The following ABCC5 variants were observed in gnomAD, a reference collection of about 807,000 sequenced individuals.
ABCC5 encodes the protein ATP-binding cassette sub-family C member 5.
Under a neutral mutation model 160.9 loss-of-function variants are expected in ABCC5, and 61 were observed. That is an observed-to-expected ratio of 0.38 (90% CI 0.31 to 0.47). ABCC5 has a LOEUF of 0.47. Among genes scored for constraint, ABCC5 ranks in the 20% least tolerant of loss-of-function variants. The pLI is 0.99. For missense variants in ABCC5, 1,308 were observed against 1,813.3 expected (o/e 0.72, Z 5.06); for synonymous variants, 666 against 700.6 (o/e 0.95, Z 0.78).
intron 2 of ABCC5, among the ~76,000 whole-genome samples, chr3:183,995,216 A>G (rs1720168573): frequency 6.6e-6 from 1 of 152,014 alleles, no homozygotes; most frequent in Non-Finnish European, 1.5e-5. Flanking sequence ...TGATTTGCAA[A>G]TATTTTCTCC....
intron 12 of ABCC5, 58 bp from the exon 13 acceptor site, chr3:183,965,559 A>G: frequency 1.3e-6 from 2 of 1,598,886 alleles, no homozygotes; most frequent in Admixed American, 3.4e-5. Context: ...CCCTATGCCA[A>G]CGGAACCCCC....
At chr3:183,999,102 GAA>G (rs10576500) in intron 2 of ABCC5, among the ~76,000 whole-genome samples, 80,677 of 144,368 alleles carry the variant, frequency 0.56, 22,760 homozygotes, top group East Asian at 0.77. Context: ...AAAAAAAAAA[GAA>G]AAAAAAAAAG....
intron 2 of ABCC5, among the ~76,000 whole-genome samples, chr3:184,008,806 C>A (rs1004343383): frequency 7.2e-5 from 11 of 152,212 alleles, no homozygotes; most frequent in Non-Finnish European, 1.3e-4. Context: ...AGAACTTATT[C>A]TTTGGTGCTT....
chr3:183,945,809 A>C, intron 24 of ABCC5, 41 bp downstream of exon 24: 1 of 1,537,810 alleles, frequency 6.5e-7, no homozygotes. Context: ...ACCGACTCCA[A>C]GAGGAGTCAG....
rs1718788601 is a variant in ABCC5, at chr3:183,982,001, T to C, written c.1000-127A>G. On this transcript the variant is annotated intron_variant, in intron 7 of 29. Transcript: ENST00000334444. The surrounding 1 kb of genome is among the most constrained non-coding windows in gnomAD (Gnocchi z 5.2). The stretch of plus-strand genomic sequence containing the variant: ...GCTTGCTAGGATGGGCCAAATGTTA[T>C]GTAATCGTACTGTCTTTAATAAAAG... The C allele has an allele frequency of 2.3e-5, 22 of 964,872 alleles. No individual in the cohort carries two copies. The South Asian group carries it at 3.1e-4, about 14-fold the overall frequency. The allele number at this position is 964,872 out of a possible 1,614,324, so 59.8% of individuals were successfully genotyped here.
chr3:183,934,213 C>T (rs1365011820), intron 26 of ABCC5, among the ~76,000 whole-genome samples: 2 of 152,040 alleles, frequency 1.3e-5, no homozygotes, highest in Non-Finnish European at 2.9e-5. Context: ...GGCTGAGGCA[C>T]GCAAATCACT....
intron 18 of ABCC5, 40 bp from the exon 19 acceptor site, chr3:183,952,043 G>C: frequency 1.3e-6 from 2 of 1,585,252 alleles, no homozygotes; most frequent in Non-Finnish European, 1.7e-6. Context: ...GACTCCTAAC[G>C]ACTGCCAAGA....
intron 23 of ABCC5, among the ~76,000 whole-genome samples, chr3:183,946,265 GGA>G: frequency 6.6e-6 from 1 of 152,186 alleles, no homozygotes; most frequent in East Asian, 1.9e-4. Flanking sequence ...CCTGTTTGTG[GGA>G]GTCACAACAA....
chr3:183,955,036 G>A (rs1361589984), intron 17 of ABCC5, among the ~76,000 whole-genome samples: 1 of 152,104 alleles, frequency 6.6e-6, no homozygotes, highest in African/African-American at 2.4e-5. Context: ...TGGTGGGGGA[G>A]TGGTGGGGGA....
At position 183,971,593 on chromosome 3, in the gene ABCC5, T is replaced by C. The variant is rs752670700; in HGVS notation, c.1731A>G (p.Thr577=). 1 of 1,614,106 alleles carries C rather than the reference T, an allele frequency of 6.2e-7. No homozygotes were observed. ...GGATCTCCAGATCGATGCTGTGCAG[T>C]GTCCTCTGTAAGCGCAGGTGGCCCA... The part of the protein sequence containing the change: ...IHLGHLRLQR[T]LHSIDLEIQE... The change falls in exon 11 of 30, where the codon ACA becomes ACG. Residue 577 remains threonine (T), a synonymous_variant. Coordinates refer to ENST00000334444, the MANE Select transcript of ABCC5 (RefSeq NM_005688.4).
intron 16 of ABCC5, among the ~76,000 whole-genome samples, chr3:183,961,018 G>A (rs1716682177): frequency 6.6e-6 from 1 of 151,976 alleles, no homozygotes; most frequent in South Asian, 2.1e-4. Flanking sequence ...CGAATTCCTG[G>A]GCGCAAGCAA....
intron 2 of ABCC5, among the ~76,000 whole-genome samples, chr3:183,991,282 G>C (rs1719739745): frequency 6.7e-6 from 1 of 150,102 alleles, no homozygotes; most frequent in Non-Finnish European, 1.5e-5. Context: ...GGGTGACAGA[G>C]CAAGACTCTG....
chr3:183,942,610 G>T, intron 25 of ABCC5, 117 bp downstream of exon 25: 1 of 1,325,950 alleles, frequency 7.5e-7, no homozygotes, highest in African/African-American at 1.5e-5. Context: ...TTTCAGTAGG[G>T]GGCTGAGACA....
chr3:183,998,981 T>G (rs911191204), intron 2 of ABCC5, among the ~76,000 whole-genome samples: 1 of 151,468 alleles, frequency 6.6e-6, no homozygotes, highest in Non-Finnish European at 1.5e-5. Flanking sequence ...TCCCAGCTAC[T>G]CGGGAGGGTG....
intron 11 of ABCC5, 103 bp downstream of exon 11, chr3:183,971,460 A>G: frequency 1.8e-6 from 2 of 1,102,234 alleles, no homozygotes; most frequent in South Asian, 1.4e-5. Context: ...AATCACTCCT[A>G]GCCACAAAGC....
In ABCC5 at chr3:183,942,794, G is replaced by C; in HGVS notation, c.3627C>G (p.Val1209=). 1.2e-6 allele frequency: 2 copies of C among 1,614,106 alleles called. No homozygotes were observed. Among genetic ancestry groups the C allele is most frequent in the Middle Eastern group, 1.6e-4 (1 of 6,062 alleles). The part of the protein sequence containing the change: ...EMRYRENLPL[V]LKKVSFTIKP... ...TGATCGTGAAGGATACTTTCTTTAG[G>C]ACGAGAGGGAGGTTTTCTCGGTACC... The change falls in exon 25 of 30, where the codon GTC becomes GTG. Residue 1209 remains valine (V), a synonymous_variant. Transcript: ENST00000334444.
rs1437099389 is a variant in ABCC5 at position 184,014,350 on chromosome 3, G to A, written c.43C>T (p.Pro15Ser). ...CTCTCCCTCACACTTCTATACCCAG[G>A]ACTGGGGATGATATACTCTTTTCCT... is the stretch of plus-strand genomic sequence containing the variant. Reference protein sequence around the residue: ...DIGKEYIIPSPGYRSVRERTS... With the variant: ...DIGKEYIIPSSGYRSVRERTS... The change falls in exon 2 of 30, where the codon CCT (proline) becomes TCT (serine). Residue 15 changes from proline (P) to serine (S), a missense_variant. By Grantham distance (74) the Pro-to-Ser change is moderately conservative (BLOSUM62 -1). Around this residue, in one of 3 missense-constraint regions of ABCC5, gnomAD observed 1,142 missense variants for 1,527.1 expected, o/e 0.75. Coordinates refer to ENST00000334444, the MANE Select transcript of ABCC5 (RefSeq NM_005688.4). The A allele has an allele frequency of 6.2e-7, 1 of 1,613,588 alleles. No individual in the cohort carries two copies. Among genetic ancestry groups the A allele is most frequent in the East Asian group, 2.2e-5 (1 of 44,868 alleles).
chr3:183,921,128 A>G lies in ABCC5; in HGVS notation c.*172T>C. 2.0e-6 allele frequency: 1 copy of G among 492,298 alleles called. No homozygotes were observed. Among genetic ancestry groups the G allele is most frequent in the Non-Finnish European group, 3.7e-6 (1 of 271,186 alleles). The allele number at this position is 492,298 out of a possible 1,614,324, so 30.5% of individuals were successfully genotyped here. ...TACATGAATATGGAATAAATACAAT[A>G]ATCAAAATATGACTCTCCCTAAAAG... On this transcript the variant is annotated 3_prime_UTR_variant, in exon 30 of 30. Transcript: ENST00000334444. The surrounding 1 kb of genome is among the most constrained non-coding windows in gnomAD (Gnocchi z 4.1).
intron 5 of ABCC5, chr3:183,983,921 G>A (rs1050301970): frequency 2.9e-5 from 29 of 985,378 alleles, no homozygotes; most frequent in Middle Eastern, 5.2e-4. Flanking sequence ...GGTCTCCGAC[G>A]GTTGTTTAAC....
Sources: gnomAD v4.1 joint callset for allele counts (sites outside exome capture counted in the v4.1 genomes callset) on GRCh38, gnomAD v4.1.1 for gene constraint, gnomAD v4.1.1 regional missense constraint, Gnocchi (gnomAD v3.1) non-coding constraint, MANE v1.5 for transcripts, NCBI Gene and HGNC (gene_info 2026-07-23, HGNC 2026-07-21) for gene names.